SNTG1: variants seen among roughly 807,000 people sequenced by gnomAD.
The protein encoded by SNTG1 is gamma-1-syntrophin.
SNTG1 carries 39 observed loss-of-function variants against 74.7 expected under a neutral mutation model. The ratio of observed to expected loss-of-function variants is 0.52; its 90% CI spans 0.40 to 0.68. The LOEUF (loss-of-function observed/expected upper bound fraction) is 0.68. Ranked by LOEUF, SNTG1 falls within the 30% of genes least tolerant of loss-of-function variation. The pLI, the probability that SNTG1 is intolerant of heterozygous loss-of-function variation, is 0.00. For missense variants in SNTG1, 685 were observed against 609.5 expected, an observed-to-expected ratio of 1.12 and a Z score of -1.30; for synonymous variants, 254 against 217.1, an observed-to-expected ratio of 1.17 and a Z score of -1.49.
chr8:50,207,373 T>G (rs2084296754), intron 2 of SNTG1, among the ~76,000 whole-genome samples: 1 of 152,230 alleles, frequency 6.6e-6, no homozygotes, highest in Admixed American at 6.5e-5. Flanking sequence ...TATAGTATAC[T>G]CTGATGTAGA....
chr8:50,261,381 C>T (rs1277057003), intron 2 of SNTG1, among the ~76,000 whole-genome samples: 2 of 152,014 alleles, frequency 1.3e-5, no homozygotes, highest in Non-Finnish European at 2.9e-5. Context: ...TTGTTAGTAG[C>T]CCTATCTTAC....
At chr8:50,290,059 C>T (rs1186530148) in intron 2 of SNTG1, among the ~76,000 whole-genome samples, 2 of 152,156 alleles carry the variant, frequency 1.3e-5, no homozygotes, top group African/African-American at 4.8e-5. Context: ...TCAGTTCCTT[C>T]AGTGCCAGCA....
intron 1 of SNTG1, among the ~76,000 whole-genome samples, chr8:50,101,740 A>G (rs958305789): frequency 8.0e-5 from 12 of 150,874 alleles, no homozygotes; most frequent in African/African-American, 2.7e-4. Context: ...CCCAGAGTGT[A>G]ATGTTCCCCT....
At position 50,273,448 on chromosome 8, in the gene SNTG1, A is replaced by G. The variant is rs115279723; in HGVS notation, c.-28+100813A>G. On this transcript the variant is annotated intron_variant, in intron 2 of 18. Transcript: ENST00000642720. ...TTATATAAATAACCAAAAGAGAAAAATAATTCTGCCCTCTTGAGCTTATAC... is the reference window on the plus strand; with the variant it reads ...TTATATAAATAACCAAAAGAGAAAAGTAATTCTGCCCTCTTGAGCTTATAC... Among the ~76,000 whole-genome samples, 1,374 of 152,328 alleles carry G rather than the reference A, an allele frequency of 9.0e-3. 24 individuals are homozygous for G. Among genetic ancestry groups the G allele is most frequent in the African/African-American group, 0.032 (1,315 of 41,564 alleles).
intron 4 of SNTG1, among the ~76,000 whole-genome samples, chr8:50,423,918 GA>G (rs1481746837): frequency 6.6e-6 from 1 of 152,172 alleles, no homozygotes. Context: ...TTCAAATGAT[GA>G]AAGGCTCAAG....
intron 5 of SNTG1, among the ~76,000 whole-genome samples, chr8:50,446,065 C>G (rs2093404089): frequency 6.6e-6 from 1 of 152,148 alleles, no homozygotes; most frequent in Non-Finnish European, 1.5e-5. Context: ...GGTCCAGGAG[C>G]TACACTGGAA....
chr8:49,922,488 T>C (rs1401174214), intron 1 of SNTG1, among the ~76,000 whole-genome samples: 1 of 152,026 alleles, frequency 6.6e-6, no homozygotes, highest in Non-Finnish European at 1.5e-5. Context: ...AATGGGAGCA[T>C]TTACATTGAG....
intron 2 of SNTG1, among the ~76,000 whole-genome samples, chr8:50,184,028 G>A (rs1376765318): frequency 6.6e-6 from 1 of 151,646 alleles, no homozygotes; most frequent in Non-Finnish European, 1.5e-5. Context: ...CTTTTACATT[G>A]GATTCCATTT....
chr8:50,013,446 C>T (rs796538242), intron 1 of SNTG1, among the ~76,000 whole-genome samples: 5 of 150,806 alleles, frequency 3.3e-5, no homozygotes, highest in African/African-American at 1.2e-4. Flanking sequence ...AATCTATAAC[C>T]TCCAGAATGG....
At chr8:50,655,679 A>G (rs928889812) in intron 13 of SNTG1, among the ~76,000 whole-genome samples, 1 of 152,236 alleles carries the variant, frequency 6.6e-6, no homozygotes, top group African/African-American at 2.4e-5. Flanking sequence ...GAGAGTAAAC[A>G]TAATTAATGG....
At chr8:49,969,092 T>C (rs2129898112) in intron 1 of SNTG1, among the ~76,000 whole-genome samples, 1 of 152,286 alleles carries the variant, frequency 6.6e-6, no homozygotes, top group South Asian at 2.1e-4. Flanking sequence ...ACAGATTAGG[T>C]GACAGCAAAG....
At chr8:50,143,868 C>A (rs907347898) in intron 1 of SNTG1, among the ~76,000 whole-genome samples, 1 of 152,198 alleles carries the variant, frequency 6.6e-6, no homozygotes, top group Non-Finnish European at 1.5e-5. Context: ...CTACACTCTG[C>A]TGCTTATTAA....
At chr8:50,787,097 A>C (rs544977378) in intron 18 of SNTG1, among the ~76,000 whole-genome samples, 1 of 151,940 alleles carries the variant, frequency 6.6e-6, no homozygotes, top group Non-Finnish European at 1.5e-5. Context: ...TGTTAAGGAG[A>C]CTGTATGCAA....
Position 50,131,312 on chromosome 8 carries a change from G to T in SNTG1, c.-102-41249G>T, listed in dbSNP as rs370511370. 2.1e-3 allele frequency among the ~76,000 whole-genome samples: 317 copies of T among 152,104 alleles called. 1 individual carries two copies. Among genetic ancestry groups the T allele is most frequent in the African/African-American group, 7.3e-3 (302 of 41,520 alleles). ...ACTCGATTATTTCTTGAATTTTTTT[G>T]CAGCTTTTTTGGAGGTATAATTGAA... On this transcript the variant is annotated intron_variant, in intron 1 of 18. Coordinates refer to ENST00000642720, the MANE Select transcript of SNTG1 (RefSeq NM_018967.5).
chr8:50,459,426 TTAAAA>T (rs2093539358), intron 8 of SNTG1, among the ~76,000 whole-genome samples: 2 of 152,180 alleles, frequency 1.3e-5, no homozygotes, highest in African/African-American at 4.8e-5. Context: ...GAGGAGGTAA[TTAAAA>T]TAAAATATTC....
intron 4 of SNTG1, among the ~76,000 whole-genome samples, chr8:50,407,302 G>T (rs997824571): frequency 6.6e-6 from 1 of 152,144 alleles, no homozygotes; most frequent in Admixed American, 6.5e-5. Context: ...TCTAAGGAAA[G>T]GCAGATGTTA....
intron 2 of SNTG1, among the ~76,000 whole-genome samples, chr8:50,265,185 A>G (rs2087401718): frequency 6.6e-6 from 1 of 152,140 alleles, no homozygotes; most frequent in African/African-American, 2.4e-5. Context: ...CAAAGAAATA[A>G]AATTACCACC....
At chr8:50,110,879 T>C (rs190656239) in intron 1 of SNTG1, among the ~76,000 whole-genome samples, 13 of 152,282 alleles carry the variant, frequency 8.5e-5, no homozygotes, top group Middle Eastern at 3.4e-3. Flanking sequence ...ATTTAGCATA[T>C]AAAAATATAG....
intron 15 of SNTG1, among the ~76,000 whole-genome samples, chr8:50,692,848 G>T (rs1172827008): frequency 6.6e-6 from 1 of 152,240 alleles, no homozygotes; most frequent in Non-Finnish European, 1.5e-5. Flanking sequence ...TGCCCCCAGA[G>T]GCGGAGCCTA....
Sources: allele counts gnomAD v4.1 joint callset (sites outside exome capture counted in the v4.1 genomes callset), GRCh38; gene constraint gnomAD v4.1.1; transcripts MANE v1.5; gene names NCBI Gene and HGNC (gene_info 2026-07-23, HGNC 2026-07-21).